The following ZNF765 variants were observed in gnomAD, a reference collection of about 807,000 sequenced individuals.
The protein encoded by ZNF765 is zinc finger protein 765.
ZNF765 carries 37 observed loss-of-function variants against 44.7 expected under a neutral mutation model. The observed-to-expected ratio is 0.83, with a 90% CI of 0.64 to 1.09. The LOEUF is 1.09. ZNF765 is among the 50% of genes least tolerant of loss of function. The pLI, the probability that ZNF765 is intolerant of heterozygous loss-of-function variation, is 0.00. For missense variants in ZNF765, 594 were observed against 626.1 expected, an observed-to-expected ratio of 0.95 and a Z score of 0.55; for synonymous variants, 201 against 213.7, an observed-to-expected ratio of 0.94 and a Z score of 0.52.
In ZNF765 at chr19:53,407,701, T is replaced by A. The variant is rs112979912; in HGVS notation, c.146T>A (p.Ile49Asn). The A allele has an allele frequency of 6.5e-7, 1 of 1,543,022 alleles. No individual in the cohort carries two copies. The highest frequency in any genetic ancestry group is 8.7e-7 in the Non-Finnish European group (1 of 1,147,890). Residue 49 changes from isoleucine to asparagine, a missense_variant, in exon 4 of 4, where the codon ATC becomes AAC. Around this residue, in one of 2 missense-constraint regions of ZNF765, gnomAD observed 567 missense variants for 572.6 expected, o/e 0.99. Coordinates refer to ENST00000396408, the MANE Select transcript of ZNF765 (RefSeq NM_001040185.3). ...ENYRNLVSLD[I>N]SSKCMMKEFS... ...TTTTGGTGTGTATACTTTTTAGATA[T>A]CTCTTCCAAATGCATGATGAAGGAG...
chr19:53,401,241 T>C (rs568411892), intron 2 of ZNF765, among the ~76,000 whole-genome samples: 1 of 152,158 alleles, frequency 6.6e-6, no homozygotes, highest in Non-Finnish European at 1.5e-5. Flanking sequence ...CTGCCTCATC[T>C]AGATACTGAA....
intron 2 of ZNF765, 172 bp from the exon 3 acceptor site, chr19:53,401,893 A>G: frequency 6.5e-7 from 1 of 1,535,704 alleles, no homozygotes; most frequent in Non-Finnish European, 8.9e-7. Flanking sequence ...AAAAAAAAGA[A>G]CTTTAGTAAA....
chr19:53,397,913 A>G (rs1162453389), intron 1 of ZNF765, 30 bp from the exon 2 acceptor site: 1 of 1,551,824 alleles, frequency 6.4e-7, no homozygotes. Context: ...GTTGATTCTG[A>G]GCAATAAACA....
At chr19:53,396,981 G>A (rs1417912347) in intron 1 of ZNF765, among the ~76,000 whole-genome samples, 5 of 152,238 alleles carry the variant, frequency 3.3e-5, no homozygotes, top group Non-Finnish European at 7.3e-5. Flanking sequence ...TCTTAACAAG[G>A]AGAGGTGAGG....
intron 3 of ZNF765, among the ~76,000 whole-genome samples, chr19:53,405,619 C>G (rs1416626696): frequency 6.7e-6 from 1 of 150,094 alleles, no homozygotes; most frequent in Admixed American, 6.7e-5. Flanking sequence ...TCTTTAATAT[C>G]TCTTTTTATG....
At chr19:53,418,975 T>C (rs1275643468) in intron 3 of ZNF765, among the ~76,000 whole-genome samples, 1 of 149,990 alleles carries the variant, frequency 6.7e-6, no homozygotes, top group African/African-American at 2.4e-5. Flanking sequence ...TCTTAGGGGT[T>C]TGAAACTAGT....
At chr19:53,420,686 G>A (rs1438639369) in intron 3 of ZNF765, among the ~76,000 whole-genome samples, 3 of 152,254 alleles carry the variant, frequency 2.0e-5, no homozygotes, top group African/African-American at 4.8e-5. Flanking sequence ...TTGCAGAGAC[G>A]TATGCTGTGT....
chr19:53,421,163 C>T (rs189730968), intron 3 of ZNF765, among the ~76,000 whole-genome samples: 37 of 152,292 alleles, frequency 2.4e-4, no homozygotes, highest in Admixed American at 1.0e-3. Context: ...TGTTTGTGTA[C>T]GTGCGCATCA....
Position 53,402,238 on chromosome 19 carries a change from A to G in ZNF765, c.142+47A>G, listed in dbSNP as rs369091735. The stretch of plus-strand genomic sequence containing the variant: ...GGGATGTGCCCTTGCGTATCTTTGT[A>G]TTTTCTCTCCTTTTTTTTTTTTTTT... On this transcript the variant is annotated intron_variant, in intron 3 of 3. Coordinates refer to ENST00000396408, the MANE Select transcript of ZNF765 (RefSeq NM_001040185.3). The G allele has an allele frequency of 1.1e-5, 13 of 1,181,920 alleles. No individual in the cohort carries two copies. The African/African-American group carries it at 2.8e-4, about 26-fold the overall frequency. The allele number at this position is 1,181,920 out of a possible 1,614,324, so 73.2% of individuals were successfully genotyped here.
chr19:53,398,095 T>G (rs1295897140), intron 2 of ZNF765, 65 bp downstream of exon 2: 23 of 1,612,942 alleles, frequency 1.4e-5, no homozygotes, highest in East Asian at 4.5e-5. Context: ...CCTTGGAGTT[T>G]GGAATCTTCT....
chr19:53,418,260 G>T (rs920091701), intron 3 of ZNF765, among the ~76,000 whole-genome samples: 1 of 152,148 alleles, frequency 6.6e-6, no homozygotes, highest in Non-Finnish European at 1.5e-5. Flanking sequence ...AATTAGCCGG[G>T]CGTGGTGGCG....
intron 3 of ZNF765, among the ~76,000 whole-genome samples, chr19:53,404,906 G>T (rs989411813): frequency 1.3e-5 from 2 of 152,198 alleles, no homozygotes; most frequent in African/African-American, 4.8e-5. Flanking sequence ...TCCTGCCTCA[G>T]TCATTTCACT....
intron 2 of ZNF765, among the ~76,000 whole-genome samples, chr19:53,400,655 A>AT: frequency 6.6e-6 from 1 of 151,946 alleles, no homozygotes; most frequent in East Asian, 1.9e-4. Flanking sequence ...ATGCACAAAT[A>AT]TATATATTTT....
rs922642424 is a variant in ZNF765 at position 53,421,344 on chromosome 19, G to A, written c.143-1718G>A. ...AGGGAACTCAGCAACCAGTGCTGGC[G>A]CAGGACCTCCTTATGCTGAGTGCCG... On this transcript the variant is annotated intron_variant, in intron 3 of 3. Coordinates refer to the ZNF765 transcript ENST00000594030. Among the ~76,000 whole-genome samples the A allele has an allele frequency of 6.6e-5, 10 of 152,060 alleles. No homozygotes were observed. In the South Asian group the frequency reaches 1.2e-3, roughly 19 times the overall value.
chr19:53,408,111 A>T lies in ZNF765; in HGVS notation c.556A>T (p.Thr186Ser), dbSNP rs759940011. The T allele has an allele frequency of 1.2e-6, 2 of 1,614,016 alleles. No individual in the cohort carries two copies. The highest frequency in any genetic ancestry group is 1.7e-6 in the Non-Finnish European group (2 of 1,179,948). ...TAQRISCRPE[T>S]HISNDYGNNF... is the part of the protein sequence containing the mutation. ...CCAAAGAATTTCTTGTAGGCCTGAA[A>T]CCCATATTTCTAATGACTATGGGAA... is the stretch of plus-strand genomic sequence containing the variant. Residue 186 changes from threonine (T) to serine (S), a missense_variant, in exon 4 of 4, where the codon ACC (threonine) becomes TCC (serine). Around this residue, in one of 2 missense-constraint regions of ZNF765, gnomAD observed 567 missense variants for 572.6 expected, o/e 0.99. Transcript: ENST00000396408.
chr19:53,413,817 C>T (rs2085851574), downstream of ZNF765, among the ~76,000 whole-genome samples: 1 of 145,286 alleles, frequency 6.9e-6, no homozygotes, highest in Non-Finnish European at 1.5e-5. Context: ...ATGTCTGTCA[C>T]AAGCTTGTGA....
intron 3 of ZNF765, among the ~76,000 whole-genome samples, chr19:53,419,944 C>A (rs917182191): frequency 1.3e-5 from 2 of 152,030 alleles, no homozygotes; most frequent in Non-Finnish European, 2.9e-5. Flanking sequence ...TTCTTGAACC[C>A]AGGAAGGCGA....
chr19:53,410,666 G>T lies in ZNF765; in HGVS notation c.*1539G>T. On this transcript the variant is annotated 3_prime_UTR_variant, in exon 4 of 4. Transcript: ENST00000396408. The stretch of plus-strand genomic sequence containing the variant: ...CATTGGAGAATCCATAATGAAGAGA[G>T]ATCATACTAGTTTAATAAATTTGGC... The T allele has an allele frequency of 2.1e-6, 1 of 476,642 alleles. No homozygotes were observed. Among genetic ancestry groups the T allele is most frequent in the Non-Finnish European group, 4.2e-6 (1 of 235,724 alleles). The allele number at this position is 476,642 out of a possible 1,614,324, so 29.5% of individuals were successfully genotyped here. A position where few individuals can be genotyped will look rare whatever the true frequency, so the allele number is the denominator to read the frequency against.
chr19:53,414,189 C>T (rs1000273355), downstream of ZNF765, among the ~76,000 whole-genome samples: 6 of 141,034 alleles, frequency 4.3e-5, no homozygotes, highest in Admixed American at 7.8e-5. Flanking sequence ...TGCAGTGAGC[C>T]GAGATCGCGC....
Sources: allele counts gnomAD v4.1 joint callset (sites outside exome capture counted in the v4.1 genomes callset), GRCh38; gene constraint gnomAD v4.1.1; regional missense constraint gnomAD v4.1.1; transcripts MANE v1.5; gene names NCBI Gene and HGNC (gene_info 2026-07-23, HGNC 2026-07-21).